NOD2: variants seen among roughly 807,000 people sequenced by gnomAD.
NOD2 encodes the protein nucleotide binding oligomerization domain containing 2.
A neutral mutation model predicts 90.9 loss-of-function variants in NOD2; 86 were observed. The observed-to-expected ratio is 0.95, with a 90% CI of 0.79 to 1.13. The LOEUF (loss-of-function observed/expected upper bound fraction) is 1.13, where lower values mean the gene tolerates loss of function less well. Ranked by LOEUF, NOD2 falls within the 50% of genes most tolerant of loss-of-function variation. NOD2 has a pLI of 0.00. For missense variants in NOD2, 1,238 were observed against 1,283.8 expected, an observed-to-expected ratio of 0.96 and a Z score of 0.55; for synonymous variants, 581 against 554.6, an observed-to-expected ratio of 1.05 and a Z score of -0.67.
Position 50,720,084 on chromosome 16 carries a change from CT to C in NOD2, c.2633+78del, listed in dbSNP as rs1964986410. 6 of 1,390,548 alleles carry C rather than the reference CT, an allele frequency of 4.3e-6. No homozygotes were observed. In the South Asian group the frequency reaches 7.1e-5, roughly 16 times the overall value. The allele number at this position is 1,390,548 out of a possible 1,614,324, so 86.1% of individuals were successfully genotyped here. A position where few individuals can be genotyped will look rare whatever the true frequency, so the allele number is the denominator to read the frequency against. On this transcript the variant is annotated intron_variant, in intron 7 of 11. Transcript: ENST00000647318. ...TGAGGATTTAGGGGCAGGTGAAACTCTTCAGCCAGGAGGCCCCAGAGGCAGC... is the reference window on the plus strand; with the variant it reads ...TGAGGATTTAGGGGCAGGTGAAACTCTCAGCCAGGAGGCCCCAGAGGCAGC...
At position 50,731,861 on chromosome 16, in the gene NOD2, G is replaced by T. The variant is rs759397246; in HGVS notation, c.*42G>T. ...TTCGTCTCAGTTTGTTTGTGAGCAG[G>T]CTGTGAGTTTGGGCCCCAGAGGCTG... is the stretch of plus-strand genomic sequence containing the variant. On this transcript the variant is annotated 3_prime_UTR_variant, in exon 12 of 12. Transcript: ENST00000647318. 11 of 1,521,610 alleles carry T rather than the reference G, an allele frequency of 7.2e-6. No homozygotes were observed. The highest frequency in any genetic ancestry group is 1.0e-5 in the Non-Finnish European group (11 of 1,097,170). 94.3% of individuals were successfully genotyped at this position (1,521,610 alleles called of 1,614,324 possible). A position where few individuals can be genotyped will look rare whatever the true frequency, so the allele number is the denominator to read the frequency against.
intron 3 of NOD2, among the ~76,000 whole-genome samples, chr16:50,709,469 C>T (rs1035823384): frequency 2.0e-5 from 3 of 152,192 alleles, no homozygotes; most frequent in Admixed American, 2.0e-4. Context: ...AACTCTGACA[C>T]AGGAAATGGT....
Position 50,711,438 on chromosome 16 carries a change from C to T in NOD2, c.1446C>T (p.Thr482=), listed in dbSNP as rs1368429111. The T allele has an allele frequency of 6.2e-7, 1 of 1,613,534 alleles. No individual in the cohort carries two copies. The highest frequency in any genetic ancestry group is 1.1e-5 in the South Asian group (1 of 91,088). Residue 482 remains threonine, a synonymous_variant, in exon 4 of 12, where the codon ACC becomes ACT. Coordinates refer to ENST00000647318, the MANE Select transcript of NOD2 (RefSeq NM_001370466.1). ...TGCAGGAGGGGGGGTCCCCAAAGACCACTACAGATATGTACCTGCTGATTC... is the reference window on the plus strand; with the variant it reads ...TGCAGGAGGGGGGGTCCCCAAAGACTACTACAGATATGTACCTGCTGATTC... ...LLLQEGGSPK[T]TTDMYLLILQ... is the part of the protein sequence containing the mutation.
At chr16:50,701,820 C>T (rs1361252942) in intron 2 of NOD2, among the ~76,000 whole-genome samples, 1 of 152,150 alleles carries the variant, frequency 6.6e-6, no homozygotes, top group African/African-American at 2.4e-5. Context: ...TATTCAGAAC[C>T]ATACAATAAT....
chr16:50,727,673 T>C (rs866444488), intron 10 of NOD2: 7 of 369,602 alleles, frequency 1.9e-5, no homozygotes, highest in Middle Eastern at 8.6e-4. Flanking sequence ...AACTTCATAG[T>C]CCAATTCATT....
intron 9 of NOD2, among the ~76,000 whole-genome samples, chr16:50,724,080 A>C (rs1324965744): frequency 6.6e-6 from 1 of 152,242 alleles, no homozygotes; most frequent in Non-Finnish European, 1.5e-5. Context: ...CCTGAAGCAG[A>C]TTCTAAGTTT....
chr16:50,723,421 T>A (rs775875698), intron 9 of NOD2, 37 bp downstream of exon 9: 1 of 1,582,966 alleles, frequency 6.3e-7, no homozygotes, highest in Non-Finnish European at 8.7e-7. Flanking sequence ...GGGAAGTGGA[T>A]CACAATCTCT....
intron 2 of NOD2, among the ~76,000 whole-genome samples, chr16:50,706,225 G>T (rs1964182657): frequency 6.6e-6 from 1 of 152,198 alleles, no homozygotes; most frequent in Non-Finnish European, 1.5e-5. Flanking sequence ...ATGCTGAGTG[G>T]AGTAAGAGGG....
At chr16:50,728,232 G>A in intron 10 of NOD2, 1 of 259,592 alleles carries the variant, frequency 3.9e-6, no homozygotes, top group Non-Finnish European at 7.7e-6. Context: ...ATTGGTCATT[G>A]TCAGCTTCTG....
At position 50,732,212 on chromosome 16, in the gene NOD2, C is replaced by A; in HGVS notation, c.*393C>A. The A allele has an allele frequency of 8.2e-6, 3 of 365,274 alleles. No individual in the cohort carries two copies. Among genetic ancestry groups the A allele is most frequent in the Non-Finnish European group, 1.6e-5 (3 of 188,988 alleles). The allele number at this position is 365,274 out of a possible 1,614,324, so 22.6% of individuals were successfully genotyped here. A position where few individuals can be genotyped will look rare whatever the true frequency, so the allele number is the denominator to read the frequency against. ...GAGGCCCGGCCTCTCACAAAAGACC[C>A]CTTACCACTGCTCTGATGAAGAGGA... On this transcript the variant is annotated 3_prime_UTR_variant, in exon 12 of 12. Coordinates refer to ENST00000647318, the MANE Select transcript of NOD2 (RefSeq NM_001370466.1).
At chr16:50,708,195 C>T (rs1444808779) in intron 3 of NOD2, among the ~76,000 whole-genome samples, 2 of 152,220 alleles carry the variant, frequency 1.3e-5, no homozygotes, top group Non-Finnish European at 2.9e-5. Flanking sequence ...ACACAGTATA[C>T]TGACAATTGG....
chr16:50,712,366 G>A lies in NOD2; in HGVS notation c.2374G>A (p.Ala792Thr). The A allele has an allele frequency of 6.2e-7, 1 of 1,613,602 alleles. No homozygotes were observed. Among genetic ancestry groups the A allele is most frequent in the African/African-American group, 1.3e-5 (1 of 74,946 alleles). Residue 792 changes from alanine (A) to threonine (T), a missense_variant, in exon 4 of 12, where the codon GCT becomes ACT. Ala to Thr is a moderately conservative substitution (Grantham distance 58). Transcript: ENST00000647318. ...GCTGCCTTGCCTTGGTGTCTGCAAG[G>A]CTCTGTAGTGAGTGTTACTGGGCAT... ...QLLPCLGVCKALYLRDNNISD... is the reference protein window; with the variant it reads ...QLLPCLGVCKTLYLRDNNISD...
rs753771904 is a variant in NOD2 at position 50,711,618 on chromosome 16, G to A, written c.1626G>A (p.Gln542=). 1.9e-6 allele frequency: 3 copies of A among 1,611,830 alleles called. No individual in the cohort carries two copies. Among genetic ancestry groups the A allele is most frequent in the Non-Finnish European group, 2.5e-6 (3 of 1,180,004 alleles). ...GCTGCTACGTGTTCTCAGCCCAGCA[G>A]CTCCAGGCAGCACAGGTCAGCCCTG... ...GMCCYVFSAQ[Q]LQAAQVSPDD... Residue 542 remains glutamine (Q), a synonymous_variant, in exon 4 of 12, where the codon CAG becomes CAA. Transcript: ENST00000647318.
chr16:50,697,957 C>T (rs1963738520), intron 1 of NOD2: 1 of 154,914 alleles, frequency 6.5e-6, no homozygotes, highest in Admixed American at 6.4e-5. Context: ...GTGCCAGGCT[C>T]AGGGATGCCA....
At chr16:50,725,013 G>A (rs1160741428) in intron 9 of NOD2, among the ~76,000 whole-genome samples, 2 of 152,076 alleles carry the variant, frequency 1.3e-5, no homozygotes, top group African/African-American at 2.4e-5. Flanking sequence ...CTGTATTCCC[G>A]GATTCGATCT....
intron 2 of NOD2, among the ~76,000 whole-genome samples, chr16:50,701,649 T>C (rs1022769629): frequency 1.3e-5 from 2 of 152,138 alleles, no homozygotes; most frequent in African/African-American, 4.8e-5. Context: ...AGTTCAGCAA[T>C]GTGATGTGGT....
intron 3 of NOD2, among the ~76,000 whole-genome samples, chr16:50,708,471 T>G (rs1964304949): frequency 6.6e-6 from 1 of 152,078 alleles, no homozygotes; most frequent in Non-Finnish European, 1.5e-5. Flanking sequence ...GCCAGGTGCT[T>G]TATGGACAAT....
intron 1 of NOD2, chr16:50,697,056 G>T: frequency 1.6e-6 from 1 of 637,196 alleles, no homozygotes; most frequent in Non-Finnish European, 2.8e-6. Context: ...AGAATTGCTT[G>T]GAATTGCCTA....
intron 4 of NOD2, among the ~76,000 whole-genome samples, chr16:50,715,178 C>T (rs1030440692): frequency 6.6e-6 from 1 of 152,174 alleles, no homozygotes; most frequent in Non-Finnish European, 1.5e-5. Flanking sequence ...CTTTATGTGC[C>T]GTACAACCTT....
Sources: allele counts gnomAD v4.1 joint callset (sites outside exome capture counted in the v4.1 genomes callset), GRCh38; gene constraint gnomAD v4.1.1; transcripts MANE v1.5; gene names NCBI Gene and HGNC (gene_info 2026-07-23, HGNC 2026-07-21).